Variants in TBC1D1 observed in about 807,000 individuals in gnomAD.
The protein encoded by TBC1D1 is TBC1 (tre-2/USP6, BUB2, cdc16) domain family, member 1.
TBC1D1 carries 89 observed loss-of-function variants against 125.6 expected under a neutral mutation model. The observed-to-expected ratio is 0.71, with a 90% confidence interval of 0.60 to 0.85. The LOEUF is 0.85. TBC1D1 is among the 40% of genes least tolerant of loss of function. The probability of loss-of-function intolerance (pLI) is 0.00; values close to 1 mark genes in which losing one functional copy is unlikely to be tolerated. For synonymous variants in TBC1D1, 565 were observed against 564.1 expected, an observed-to-expected ratio of 1.00 and a Z score of -0.02; for missense variants, 1,377 against 1,469.2, an observed-to-expected ratio of 0.94 and a Z score of 1.03.
intron 2 of TBC1D1, among the ~76,000 whole-genome samples, chr4:37,975,827 C>A (rs1008399591): frequency 6.6e-6 from 1 of 152,012 alleles, no homozygotes; most frequent in African/African-American, 2.4e-5. Context: ...TAATGATATT[C>A]ATATATAATC....
intron 11 of TBC1D1, among the ~76,000 whole-genome samples, chr4:38,053,606 C>G (rs868417550): frequency 6.6e-6 from 1 of 152,156 alleles, no homozygotes; most frequent in African/African-American, 2.4e-5. Flanking sequence ...TTGGAAGGGC[C>G]TTCTCAGGTT....
At chr4:37,991,743 T>G (rs1309208548) in intron 2 of TBC1D1, among the ~76,000 whole-genome samples, 5 of 152,076 alleles carry the variant, frequency 3.3e-5, no homozygotes. Flanking sequence ...CAGTGTTGCC[T>G]AAAAAACCAG....
intron 2 of TBC1D1, among the ~76,000 whole-genome samples, chr4:37,931,168 T>C (rs1723177242): frequency 1.3e-5 from 2 of 152,182 alleles, no homozygotes; most frequent in African/African-American, 2.4e-5. Flanking sequence ...AGTGGAGCAA[T>C]CTCTGCTCAC....
At chr4:37,955,068 G>A (rs564472101) in intron 2 of TBC1D1, among the ~76,000 whole-genome samples, 6 of 151,852 alleles carry the variant, frequency 4.0e-5, no homozygotes, top group South Asian at 2.1e-4. Context: ...GTCATGTACC[G>A]ATTTCTGTCA....
chr4:37,936,571 TTGACA>T (rs1724441537), intron 2 of TBC1D1, among the ~76,000 whole-genome samples: 1 of 152,150 alleles, frequency 6.6e-6, no homozygotes, highest in Non-Finnish European at 1.5e-5. Flanking sequence ...AAAATTTGAG[TTGACA>T]TGACCTCAAA....
At chr4:38,088,665 C>T (rs1254308372) in intron 12 of TBC1D1, among the ~76,000 whole-genome samples, 1 of 152,030 alleles carries the variant, frequency 6.6e-6, no homozygotes, top group Non-Finnish European at 1.5e-5. Context: ...TGTGTTCTTA[C>T]TCTGTGTTGG....
intron 2 of TBC1D1, among the ~76,000 whole-genome samples, chr4:37,984,388 T>C (rs1004207566): frequency 1.1e-4 from 17 of 152,244 alleles, no homozygotes; most frequent in African/African-American, 3.9e-4. Context: ...CAACAATGAA[T>C]GAGAATTTCT....
At chr4:38,102,963 C>T in intron 14 of TBC1D1, 36 bp from the exon 17 acceptor site, 1 of 1,591,200 alleles carries the variant, frequency 6.3e-7, no homozygotes, top group African/African-American at 1.4e-5. Context: ...GTATTCTGTG[C>T]ATAAATTATT....
At chr4:38,021,477 G>A in intron 5 of TBC1D1, 109 bp from the exon 6 acceptor site, 1 of 1,021,834 alleles carries the variant, frequency 9.8e-7, no homozygotes, top group Non-Finnish European at 1.4e-6. Context: ...GAGTAGTACA[G>A]AAAACTCTTA....
chr4:38,046,229 G>C (rs34312826), intron 10 of TBC1D1, among the ~76,000 whole-genome samples: 1 of 151,812 alleles, frequency 6.6e-6, no homozygotes, highest in Non-Finnish European at 1.5e-5. Context: ...AAAATTAGCC[G>C]GGCGTGGTGG....
chr4:38,109,683 C>CT (rs1179222396), intron 15 of TBC1D1, among the ~76,000 whole-genome samples: 13 of 152,164 alleles, frequency 8.5e-5, no homozygotes, highest in Admixed American at 2.6e-4. Context: ...CAATCTGCTC[C>CT]TAGAAGGACT....
At chr4:37,898,188 C>T (rs1715050120) in intron 1 of TBC1D1, among the ~76,000 whole-genome samples, 1 of 152,126 alleles carries the variant, frequency 6.6e-6, no homozygotes, top group Non-Finnish European at 1.5e-5. Context: ...AAACCCCAAA[C>T]CTTAAGAATT....
chr4:38,071,614 T>C (rs184106828), intron 12 of TBC1D1, among the ~76,000 whole-genome samples: 10 of 152,318 alleles, frequency 6.6e-5, no homozygotes, highest in East Asian at 5.8e-4. Flanking sequence ...TGTTACCCAC[T>C]GTAGGGCAGA....
intron 2 of TBC1D1, among the ~76,000 whole-genome samples, chr4:38,000,438 C>A (rs1212728112): frequency 1.3e-5 from 2 of 152,190 alleles, no homozygotes; most frequent in African/African-American, 4.8e-5. Flanking sequence ...GCATTGTACT[C>A]ACCAGTTGAG....
intron 12 of TBC1D1, among the ~76,000 whole-genome samples, chr4:38,084,212 G>A (rs1228018089): frequency 6.6e-6 from 1 of 152,174 alleles, no homozygotes; most frequent in African/African-American, 2.4e-5. Flanking sequence ...GGGATTACAG[G>A]TGTGAGCCAC....
rs760954873 is a variant in TBC1D1 at position 38,054,317 on chromosome 4, G to C, written c.2029G>C (p.Asp677His). The change falls in exon 12 of 20, where the codon GAT (aspartate) becomes CAT (histidine). Residue 677 changes from aspartate to histidine, a missense_variant. Transcript: ENST00000261439. Reference sequence around the variant, plus strand: ...AGTAGCCACCCCGCAGAAGGCGTGCGATTCTTCCAGCAGATATGAAGGTAA... The same window carrying C: ...AGTAGCCACCCCGCAGAAGGCGTGCCATTCTTCCAGCAGATATGAAGGTAA... 3.1e-6 allele frequency: 5 copies of C among 1,614,138 alleles called. No individual in the cohort carries two copies. The highest frequency in any genetic ancestry group is 4.5e-5 in the East Asian group (2 of 44,886).
intron 2 of TBC1D1, among the ~76,000 whole-genome samples, chr4:37,993,083 C>T (rs922992178): frequency 1.3e-5 from 2 of 152,038 alleles, no homozygotes; most frequent in East Asian, 3.9e-4. Context: ...GGATTACAGG[C>T]GTGAGCCACC....
At chr4:38,135,609 C>A (rs1319136108) in intron 19 of TBC1D1, among the ~76,000 whole-genome samples, 2 of 152,104 alleles carry the variant, frequency 1.3e-5, no homozygotes, top group Non-Finnish European at 2.9e-5. Flanking sequence ...GAGGGTAGGC[C>A]CTGAGCCAGG....
intron 12 of TBC1D1, among the ~76,000 whole-genome samples, chr4:38,057,710 A>G (rs896349962): frequency 6.6e-6 from 1 of 152,258 alleles, no homozygotes; most frequent in Non-Finnish European, 1.5e-5. Context: ...AGTGCTTTAC[A>G]TGAATTATTT....
Sources: allele counts gnomAD v4.1 joint callset (sites outside exome capture counted in the v4.1 genomes callset), GRCh38; gene constraint gnomAD v4.1.1; transcripts MANE v1.5; gene names NCBI Gene and HGNC (gene_info 2026-07-23, HGNC 2026-07-21).